SLC6A11: variants seen among roughly 807,000 people sequenced by gnomAD.
The protein encoded by SLC6A11 is sodium- and chloride-dependent GABA transporter 3.
Under a neutral mutation model 74.8 loss-of-function variants are expected in SLC6A11, and 25 were observed. That is an observed-to-expected ratio of 0.33 (90% CI 0.24 to 0.47). The LOEUF (loss-of-function observed/expected upper bound fraction) is 0.47, where lower values mean the gene tolerates loss of function less well. Ranked by LOEUF, SLC6A11 falls within the 20% of genes least tolerant of loss-of-function variation. SLC6A11 has a pLI of 1.00. For synonymous variants in SLC6A11, 330 were observed against 330.2 expected (o/e 1.00, Z 0.01); for missense variants, 574 against 837.0 (o/e 0.69, Z 3.88).
chr3:10,897,902 ACATCCAGG>A (rs1272070244), intron 6 of SLC6A11, among the ~76,000 whole-genome samples: 2 of 152,222 alleles, frequency 1.3e-5, no homozygotes, highest in African/African-American at 4.8e-5. Context: ...TTCTGTCTGG[ACATCCAGG>A]CATTTCCATA....
At position 10,902,440 on chromosome 3, in the gene SLC6A11, T is replaced by A. The variant is rs114110799; in HGVS notation, c.892-9650T>A. 6.7e-3 allele frequency among the ~76,000 whole-genome samples: 1,018 copies of A among 152,312 alleles called. 10 individuals are homozygous for A. Among genetic ancestry groups the A allele is most frequent in the Middle Eastern group, 0.041 (12 of 294 alleles). ...CACCTGATGGGAAGGGAAGCTGGGA[T>A]GTTGGAAATGACGTGGGTGCTTGTT... is the stretch of plus-strand genomic sequence containing the variant. On this transcript the variant is annotated intron_variant, in intron 6 of 13. Coordinates refer to ENST00000254488, the MANE Select transcript of SLC6A11 (RefSeq NM_014229.3).
In SLC6A11 at chr3:10,902,172, G is replaced by T. The variant is rs192947326; in HGVS notation, c.892-9918G>T. Among the ~76,000 whole-genome samples, 23 of 152,276 alleles carry T rather than the reference G, an allele frequency of 1.5e-4. No homozygotes were observed. The East Asian group carries it at 4.3e-3, about 28-fold the overall frequency. Reference sequence around the variant, plus strand: ...GCTGTGGGTTGGAAGCCCCAGGAGGGCCCCAAGCTCTGATCTGGCTTCTTG... The same window carrying T: ...GCTGTGGGTTGGAAGCCCCAGGAGGTCCCCAAGCTCTGATCTGGCTTCTTG... On this transcript the variant is annotated intron_variant, in intron 6 of 13. Transcript: ENST00000254488.
At chr3:10,897,103 A>G (rs1419328944) in intron 6 of SLC6A11, among the ~76,000 whole-genome samples, 1 of 152,160 alleles carries the variant, frequency 6.6e-6, no homozygotes, top group African/African-American at 2.4e-5. Flanking sequence ...ATTCACTACC[A>G]TGAGAACAGT....
chr3:10,816,308 G>A lies in SLC6A11; in HGVS notation c.43G>A (p.Ala15Thr). ...KALPLGNGKAAEEARESEAPG... is the reference protein window; with the variant it reads ...KALPLGNGKATEEARESEAPG... ...GCTGCCCCTGGGCAATGGGAAGGCT[G>A]CTGAGGAGGCGCGGGAGTCCGAGGC... Residue 15 changes from alanine to threonine, a missense_variant, in exon 1 of 14, where the codon GCT becomes ACT. Around this residue, in one of 4 missense-constraint regions of SLC6A11, gnomAD observed 86 missense variants for 87.4 expected, o/e 0.98. Coordinates refer to ENST00000254488, the MANE Select transcript of SLC6A11 (RefSeq NM_014229.3). This position sits in a 1 kb window ranked among gnomAD's most constrained non-coding sequence, Gnocchi z 4.2. 1 of 1,408,000 alleles carries A rather than the reference G, an allele frequency of 7.1e-7. No homozygotes were observed. Among genetic ancestry groups the A allele is most frequent in the Non-Finnish European group, 9.2e-7 (1 of 1,083,582 alleles). The allele number at this position is 1,408,000 out of a possible 1,614,324, so 87.2% of individuals were successfully genotyped here.
chr3:10,873,649 C>CCTGTG (rs1464323562), intron 5 of SLC6A11, among the ~76,000 whole-genome samples: 2 of 117,842 alleles, frequency 1.7e-5, no homozygotes, highest in East Asian at 5.7e-4. Flanking sequence ...CCTGTCCTGT[C>CCTGTG]CATCTATCCC....
chr3:10,857,789 A>G (rs1217324034), intron 5 of SLC6A11, among the ~76,000 whole-genome samples: 1 of 152,246 alleles, frequency 6.6e-6, no homozygotes, highest in Admixed American at 6.5e-5. Flanking sequence ...AACGCAACTC[A>G]TAAATAATCT....
At chr3:10,885,616 T>A (rs868277297) in intron 6 of SLC6A11, among the ~76,000 whole-genome samples, 90 of 132,976 alleles carry the variant, frequency 6.8e-4, no homozygotes, top group Middle Eastern at 4.1e-3. Flanking sequence ...AAAAAAAAAA[T>A]CAGGTCCCAG....
chr3:10,844,190 G>T, intron 4 of SLC6A11, 24 bp from the exon 5 acceptor site: 1 of 1,614,090 alleles, frequency 6.2e-7, no homozygotes, highest in South Asian at 1.1e-5. Flanking sequence ...CAGCCCCAGT[G>T]ACTCTCCACC....
At chr3:10,878,404 CTTT>C (rs34982364) in intron 6 of SLC6A11, among the ~76,000 whole-genome samples, 1 of 128,154 alleles carries the variant, frequency 7.8e-6, no homozygotes, top group Non-Finnish European at 1.6e-5. Flanking sequence ...TCCACTCATC[CTTT>C]TTTTTTTTTT....
chr3:10,923,612 C>T (rs189434318), intron 8 of SLC6A11, among the ~76,000 whole-genome samples: 2 of 152,232 alleles, frequency 1.3e-5, no homozygotes, highest in Admixed American at 6.5e-5. Context: ...AATATCAAAT[C>T]ACCATTAGGC....
rs1695808744 is a variant in SLC6A11, at chr3:10,940,229, G to C, written c.*1827G>C. Reference sequence around the variant, plus strand: ...CCACTCTCGTCTCCCTGAGCTGTCTGGTTCTGCGGACCCAGGAAGGGCCAG... The same window carrying C: ...CCACTCTCGTCTCCCTGAGCTGTCTCGTTCTGCGGACCCAGGAAGGGCCAG... On this transcript the variant is annotated 3_prime_UTR_variant, in exon 14 of 14. Transcript: ENST00000254488. The C allele has an allele frequency of 6.6e-6, 1 of 152,218 alleles. No homozygotes were observed. Among genetic ancestry groups the C allele is most frequent in the Non-Finnish European group, 1.5e-5 (1 of 68,062 alleles). 9.4% of individuals were successfully genotyped at this position (152,218 alleles called of 1,614,324 possible).
intron 10 of SLC6A11, among the ~76,000 whole-genome samples, chr3:10,932,101 T>C (rs1695695652): frequency 6.6e-6 from 1 of 152,210 alleles, no homozygotes. Context: ...CTCATTGTAT[T>C]GTAAAGATTT....
intron 6 of SLC6A11, among the ~76,000 whole-genome samples, chr3:10,901,682 A>G (rs923229037): frequency 6.6e-6 from 1 of 152,132 alleles, no homozygotes; most frequent in Non-Finnish European, 1.5e-5. Context: ...CTCTCCCACC[A>G]TGGAATCCAC....
At chr3:10,927,720 G>C (rs1326269760) in intron 9 of SLC6A11, among the ~76,000 whole-genome samples, 5 of 152,104 alleles carry the variant, frequency 3.3e-5, no homozygotes, top group Non-Finnish European at 5.9e-5. Context: ...TTGAGTCCCA[G>C]CCCCATGACT....
At chr3:10,921,725 T>G (rs1695539900) in intron 8 of SLC6A11, among the ~76,000 whole-genome samples, 1 of 152,002 alleles carries the variant, frequency 6.6e-6, no homozygotes, top group African/African-American at 2.4e-5. Context: ...AAGACCCAAC[T>G]ATAACATGTC....
At chr3:10,877,142 G>A (rs901622941) in intron 6 of SLC6A11, among the ~76,000 whole-genome samples, 1 of 152,176 alleles carries the variant, frequency 6.6e-6, no homozygotes, top group Non-Finnish European at 1.5e-5. Flanking sequence ...TTGGAACACA[G>A]CCTGTTATTT....
intron 4 of SLC6A11, among the ~76,000 whole-genome samples, chr3:10,829,503 C>G (rs1356757701): frequency 6.6e-6 from 1 of 152,198 alleles, no homozygotes; most frequent in African/African-American, 2.4e-5. Flanking sequence ...ACATCCAGTT[C>G]TGCTAGTTTG....
At chr3:10,821,019 C>T (rs1356915467) in intron 3 of SLC6A11, among the ~76,000 whole-genome samples, 1 of 152,162 alleles carries the variant, frequency 6.6e-6, no homozygotes, top group African/African-American at 2.4e-5. Flanking sequence ...TATGTGATGC[C>T]TGACTCTGCC....
At chr3:10,855,314 G>T (rs1694625849) in intron 5 of SLC6A11, among the ~76,000 whole-genome samples, 1 of 152,166 alleles carries the variant, frequency 6.6e-6, no homozygotes, top group South Asian at 2.1e-4. Flanking sequence ...TTTAGTGGCA[G>T]AACTATGATA....
Sources: gnomAD v4.1 joint callset for allele counts (sites outside exome capture counted in the v4.1 genomes callset) on GRCh38, gnomAD v4.1.1 for gene constraint, gnomAD v4.1.1 regional missense constraint, Gnocchi (gnomAD v3.1) non-coding constraint, MANE v1.5 for transcripts, NCBI Gene and HGNC (gene_info 2026-07-23, HGNC 2026-07-21) for gene names.